Variants in SLC28A1 observed in about 807,000 individuals in gnomAD.
The protein encoded by SLC28A1 is solute carrier family 28 member 1, also known as sodium/nucleoside cotransporter 1.
A neutral mutation model predicts 74.8 loss-of-function variants in SLC28A1; 64 were observed. That is an observed-to-expected ratio of 0.86 (90% confidence interval 0.70 to 1.05). SLC28A1 has a LOEUF of 1.05. Ranked by LOEUF, SLC28A1 falls within the 50% of genes least tolerant of loss-of-function variation. The pLI is 0.00. For missense variants in SLC28A1, 828 were observed against 822.8 expected (o/e 1.01, Z -0.08); for synonymous variants, 359 against 335.0 (o/e 1.07, Z -0.78).
the SLC28A1 span, among the ~76,000 whole-genome samples, chr15:84,951,773 C>T: frequency 6.6e-6 from 1 of 152,176 alleles, no homozygotes; most frequent in African/African-American, 2.4e-5. Context: ...CTCCTTCTGA[C>T]AAAGTCTAAA....
the SLC28A1 span, among the ~76,000 whole-genome samples, chr15:84,958,185 G>A: frequency 0.014 from 2,134 of 152,006 alleles, 56 homozygotes; most frequent in African/African-American, 0.048. Context: ...ATATAAATCC[G>A]CAAGCTCTGA....
At chr15:84,943,795 GGT>G (rs1311198759) in intron 16 of SLC28A1, among the ~76,000 whole-genome samples, 1 of 152,106 alleles carries the variant, frequency 6.6e-6, no homozygotes, top group Non-Finnish European at 1.5e-5. Flanking sequence ...CAGGCGTGGT[GGT>G]GCACGCCTGT....
intron 7 of SLC28A1, among the ~76,000 whole-genome samples, chr15:84,904,664 C>A (rs1467715804): frequency 6.6e-6 from 1 of 152,224 alleles, no homozygotes; most frequent in Non-Finnish European, 1.5e-5. Flanking sequence ...AGCGGCGCCT[C>A]CATGGAACTT....
Position 84,895,759 on chromosome 15 carries a change from GA to G in SLC28A1, c.461+643del, listed in dbSNP as rs1004442437. 35 of 1,233,220 alleles carry G rather than the reference GA, an allele frequency of 2.8e-5. 1 individual carries two copies. In the Admixed American group the frequency reaches 5.2e-4, roughly 18 times the overall value. The allele number at this position is 1,233,220 out of a possible 1,614,324, so 76.4% of individuals were successfully genotyped here. ...ACACAAAAAAGAAAATTCGCTGGGG[GA>G]AAAAAACAGTTTCTATGGCTTAAAA... On this transcript the variant is annotated intron_variant, in intron 6 of 18. Transcript: ENST00000394573.
At chr15:84,898,759 A>T (rs1186427033) in intron 6 of SLC28A1, among the ~76,000 whole-genome samples, 1 of 152,158 alleles carries the variant, frequency 6.6e-6, no homozygotes, top group Non-Finnish European at 1.5e-5. Context: ...ATTAGGAAAC[A>T]AATGAGTTTA....
intron 12 of SLC28A1, among the ~76,000 whole-genome samples, chr15:84,928,540 T>TTC: frequency 6.4e-5 from 1 of 15,504 alleles, no homozygotes; most frequent in South Asian, 4.2e-3. Flanking sequence ...CTTTCTTTCT[T>TTC]TCTTTCTTTC....
chr15:84,974,834 C>T, the SLC28A1 span, among the ~76,000 whole-genome samples: 3 of 152,096 alleles, frequency 2.0e-5, no homozygotes, highest in African/African-American at 4.8e-5. Flanking sequence ...AACCAAGACT[C>T]GGTTCCCTGG....
chr15:84,924,083 C>T lies in SLC28A1; in HGVS notation c.1056C>T (p.Ser352=), dbSNP rs762429221. 4 of 1,613,736 alleles carry T rather than the reference C, an allele frequency of 2.5e-6. No homozygotes were observed. The highest frequency in any genetic ancestry group is 1.7e-5 in the Admixed American group (1 of 59,990). The part of the protein sequence containing the change: ...MTGGYATIAG[S]LLGAYISFGI... ...GAGGTTACGCCACCATTGCTGGCAGCCTGCTGGGTGCCTACATCTCCTTTG... is the reference window on the plus strand; with the variant it reads ...GAGGTTACGCCACCATTGCTGGCAGTCTGCTGGGTGCCTACATCTCCTTTG... Residue 352 remains serine (S), a synonymous_variant, in exon 12 of 19, where the codon AGC becomes AGT. Coordinates refer to ENST00000394573, the MANE Select transcript of SLC28A1 (RefSeq NM_004213.5).
chr15:84,902,441 C>T (rs989183026), intron 6 of SLC28A1, among the ~76,000 whole-genome samples: 1 of 150,852 alleles, frequency 6.6e-6, no homozygotes, highest in African/African-American at 2.4e-5. Context: ...GATCGTGCCA[C>T]TGCACTGCAG....
At chr15:84,959,696 G>A in the SLC28A1 span, among the ~76,000 whole-genome samples, 1 of 151,988 alleles carries the variant, frequency 6.6e-6, no homozygotes, top group Non-Finnish European at 1.5e-5. Context: ...TGCCCTTCCT[G>A]TTTCATGTGA....
chr15:84,933,294 C>T lies in SLC28A1; in HGVS notation c.1214+19C>T, dbSNP rs772830472. 2 of 1,610,960 alleles carry T rather than the reference C, an allele frequency of 1.2e-6. No homozygotes were observed. Among genetic ancestry groups the T allele is most frequent in the Non-Finnish European group, 1.7e-6 (2 of 1,178,300 alleles). On this transcript the variant is annotated intron_variant, in intron 13 of 18. Coordinates refer to ENST00000394573, the MANE Select transcript of SLC28A1 (RefSeq NM_004213.5). ...CCTATGGGTGAGCACAGCAGGAGGT[C>T]CTGCAGACAGGGTAGTGGTACAAGG...
the SLC28A1 span, among the ~76,000 whole-genome samples, chr15:84,967,480 TC>T: frequency 6.6e-6 from 1 of 152,180 alleles, no homozygotes; most frequent in Admixed American, 6.5e-5. Flanking sequence ...GACCCTCCCC[TC>T]CCAGCTATTT....
chr15:84,933,015 G>A (rs890248901), intron 12 of SLC28A1, 130 bp from the exon 13 acceptor site: 1 of 842,828 alleles, frequency 1.2e-6, no homozygotes, highest in Non-Finnish European at 2.0e-6. Context: ...AGTGATGACA[G>A]CAGTTATGAC....
intron 4 of SLC28A1, among the ~76,000 whole-genome samples, chr15:84,889,442 G>A (rs918009553): frequency 1.4e-4 from 22 of 152,128 alleles, no homozygotes; most frequent in African/African-American, 4.8e-4. Context: ...CCTGGGCAGG[G>A]GATATGGGAA....
chr15:84,890,577 G>C, intron 5 of SLC28A1, 43 bp downstream of exon 5: 1 of 1,462,352 alleles, frequency 6.8e-7, no homozygotes, highest in Non-Finnish European at 9.5e-7. Flanking sequence ...AATGACTCCT[G>C]CCTCAGCTAT....
chr15:84,896,298 G>A (rs920047184), intron 6 of SLC28A1, among the ~76,000 whole-genome samples: 1 of 152,188 alleles, frequency 6.6e-6, no homozygotes, highest in Admixed American at 6.5e-5. Flanking sequence ...TTTGATGAAT[G>A]ATAAAAGGTT....
Position 84,943,047 on chromosome 15 carries a change from G to A in SLC28A1, c.1582-398G>A, listed in dbSNP as rs112509668. Among the ~76,000 whole-genome samples the A allele has an allele frequency of 5.9e-3, 898 of 152,190 alleles. 11 individuals carry two copies. Among genetic ancestry groups the A allele is most frequent in the African/African-American group, 0.02 (810 of 41,518 alleles). On this transcript the variant is annotated intron_variant, in intron 15 of 18. Coordinates refer to ENST00000394573, the MANE Select transcript of SLC28A1 (RefSeq NM_004213.5). The stretch of plus-strand genomic sequence containing the variant: ...TAAAAATACAAAAAGTTAGCCGGGC[G>A]TGGTGGCGGGCACCTATAATCCCAG...
At chr15:84,958,230 C>T in the SLC28A1 span, among the ~76,000 whole-genome samples, 1 of 152,144 alleles carries the variant, frequency 6.6e-6, no homozygotes, top group African/African-American at 2.4e-5. Flanking sequence ...ATCTGATTCC[C>T]TCTTTTCCCG....
In SLC28A1 at chr15:84,912,780, T is replaced by C. The variant is rs565290260; in HGVS notation, c.795+3985T>C. Among the ~76,000 whole-genome samples the C allele has an allele frequency of 4.8e-5, 7 of 145,416 alleles. 1 individual carries two copies. The South Asian group carries it at 1.5e-3, about 31-fold the overall frequency. ...ATATAGACTCTGCAGTCCCCAGTGG[T>C]CAACAGTGCCAAATTTTGCGCGCGC... On this transcript the variant is annotated intron_variant, in intron 9 of 18. Transcript: ENST00000394573.
Sources: gnomAD v4.1 joint callset for allele counts (sites outside exome capture counted in the v4.1 genomes callset) on GRCh38, gnomAD v4.1.1 for gene constraint, MANE v1.5 for transcripts, NCBI Gene and HGNC (gene_info 2026-07-23, HGNC 2026-07-21) for gene names.